The following APOL1 variants were observed in gnomAD, a reference collection of about 807,000 sequenced individuals.
APOL1 encodes the protein apolipoprotein L 1.
APOL1 carries 17 observed loss-of-function variants against 14.9 expected under a neutral mutation model. The ratio of observed to expected loss-of-function variants is 1.14; its 90% CI spans 0.78 to 1.71. APOL1 has a LOEUF of 1.71. Among genes scored for constraint, APOL1 ranks in the 40% most tolerant of loss-of-function variants. The pLI, the probability that APOL1 is intolerant of heterozygous loss-of-function variation, is 0.00. For synonymous variants in APOL1, 195 were observed against 184.8 expected, an observed-to-expected ratio of 1.05 and a Z score of -0.45; for missense variants, 523 against 485.9, an observed-to-expected ratio of 1.08 and a Z score of -0.72.
chr22:36,264,288 G>A (rs561573312), intron 5 of APOL1, among the ~76,000 whole-genome samples: 1 of 152,090 alleles, frequency 6.6e-6, no homozygotes, highest in Non-Finnish European at 1.5e-5. Flanking sequence ...ACACCAAATA[G>A]CCCCAAACCC....
intron 1 of APOL1, chr22:36,254,070 T>C (rs1015272925): frequency 1.3e-6 from 2 of 1,557,570 alleles, no homozygotes; most frequent in African/African-American, 1.4e-5. Flanking sequence ...TTTTGGATTA[T>C]TAAAATCAAA....
chr22:36,265,824 A>G lies in APOL1; in HGVS notation c.988A>G (p.Ser330Gly). 4 of 1,614,142 alleles carry G rather than the reference A, an allele frequency of 2.5e-6. No homozygotes were observed. Among genetic ancestry groups the G allele is most frequent in the South Asian group, 1.1e-5 (1 of 91,066 alleles). ...TAATGAACCCAGCATCCTGGAAATG[A>G]GCAGAGGAGTCAAGCTCACGGATGT... ...RVNEPSILEM[S>G]RGVKLTDVAP... The change falls in exon 6 of 6, where the codon AGC becomes GGC. Residue 330 changes from serine (S) to glycine (G), a missense_variant. Coordinates refer to ENST00000397278, the MANE Select transcript of APOL1 (RefSeq NM_003661.4).
Position 36,257,357 on chromosome 22 carries a change from A to G in APOL1, c.137A>G (p.Asp46Gly), listed in dbSNP as rs144963144. Reference sequence around the variant, plus strand: ...GTTCCAAGTGGGACAGATACTGGAGATCCTCAAAGTAAGCCCCTCGGTGAC... The same window carrying G: ...GTTCCAAGTGGGACAGATACTGGAGGTCCTCAAAGTAAGCCCCTCGGTGAC... ...QNVPSGTDTG[D>G]PQSKPLGDWA... The change falls in exon 4 of 6, where the codon GAT becomes GGT. Residue 46 changes from aspartate (D) to glycine (G), a missense_variant. Physicochemically the swap from Asp to Gly is moderately conservative, Grantham distance 94. Transcript: ENST00000397278. 2.2e-5 allele frequency: 35 copies of G among 1,614,082 alleles called. No homozygotes were observed. In the African/African-American group the frequency reaches 4.3e-4, roughly 20 times the overall value.
rs558173183 is a variant in APOL1 at position 36,263,077 on chromosome 22, C to T, written c.314+1355C>T. 1.3e-3 allele frequency among the ~76,000 whole-genome samples: 202 copies of T among 152,322 alleles called. 3 individuals carry two copies. In the South Asian group the frequency reaches 0.015, roughly 11 times the overall value. ...ATTGCAAATGGCCTTGGTGTGCACA[C>T]AGGTGAAGCTGTCACTACTAAGGCA... On this transcript the variant is annotated intron_variant, in intron 5 of 5. Coordinates refer to ENST00000397278, the MANE Select transcript of APOL1 (RefSeq NM_003661.4).
At position 36,266,428 on chromosome 22, in the gene APOL1, G is replaced by A. The variant is rs2016263987; in HGVS notation, c.*395G>A. On this transcript the variant is annotated 3_prime_UTR_variant, in exon 6 of 6. Coordinates refer to ENST00000397278, the MANE Select transcript of APOL1 (RefSeq NM_003661.4). ...TTATTAGGGGGATAAAGAGGGTGAG[G>A]TAAAGTTTATGGAACTGAGTGTTAG... 2.4e-6 allele frequency: 1 copy of A among 411,522 alleles called. No homozygotes were observed. Among genetic ancestry groups the A allele is most frequent in the East Asian group, 3.5e-5 (1 of 28,644 alleles). The allele number at this position is 411,522 out of a possible 1,614,324, so 25.5% of individuals were successfully genotyped here.
intron 4 of APOL1, among the ~76,000 whole-genome samples, chr22:36,257,770 C>T (rs533825400): frequency 3.8e-4 from 58 of 151,914 alleles, no homozygotes; most frequent in African/African-American, 1.4e-3. Flanking sequence ...TGACCAGCAG[C>T]CCCGACCTGT....
intron 4 of APOL1, among the ~76,000 whole-genome samples, chr22:36,258,149 T>TTC (rs1556624711): frequency 6.7e-6 from 1 of 149,836 alleles, no homozygotes; most frequent in Non-Finnish European, 1.5e-5. Flanking sequence ...AGCCACCCCG[T>TTC]CCCCCCCCAG....
intron 1 of APOL1, among the ~76,000 whole-genome samples, chr22:36,253,555 G>A (rs1408728086): frequency 6.6e-6 from 1 of 152,236 alleles, no homozygotes; most frequent in Non-Finnish European, 1.5e-5. Context: ...AGGAGAGGAG[G>A]TGACCCAGAT....
chr22:36,266,216 A>G lies in APOL1; in HGVS notation c.*183A>G, dbSNP rs2016257247. 1 of 630,300 alleles carries G rather than the reference A, an allele frequency of 1.6e-6. No homozygotes were observed. 39.0% of individuals were successfully genotyped at this position (630,300 alleles called of 1,614,324 possible). On this transcript the variant is annotated 3_prime_UTR_variant, in exon 6 of 6. Transcript: ENST00000397278. Reference sequence around the variant, plus strand: ...AGCGATTCTCCTGCCTTGGCCTCCCAAGTAGCTGGGACTACAGGCGCCTAC... The same window carrying G: ...AGCGATTCTCCTGCCTTGGCCTCCCGAGTAGCTGGGACTACAGGCGCCTAC...
intron 5 of APOL1, among the ~76,000 whole-genome samples, chr22:36,264,898 T>G (rs1005368603): frequency 6.7e-6 from 1 of 150,188 alleles, no homozygotes; most frequent in Non-Finnish European, 1.5e-5. Flanking sequence ...CTGCAAGCTC[T>G]GCCTCCCGGT....
intron 4 of APOL1, among the ~76,000 whole-genome samples, chr22:36,259,377 G>A (rs368279321): frequency 3.0e-4 from 46 of 152,156 alleles, no homozygotes; most frequent in African/African-American, 1.1e-3. Flanking sequence ...GAAAAAACAA[G>A]ACAATCGCTC....
At chr22:36,254,812 T>A (rs1224678112) in intron 1 of APOL1, 125 bp from the exon 2 acceptor site, 5 of 1,250,004 alleles carry the variant, frequency 4.0e-6, no homozygotes, top group Non-Finnish European at 5.7e-6. Context: ...GTAGCGAGCC[T>A]AGATCGCCCC....
chr22:36,263,527 A>T (rs1325949303), intron 5 of APOL1, among the ~76,000 whole-genome samples: 1 of 152,238 alleles, frequency 6.6e-6, no homozygotes. Flanking sequence ...GATCACACGG[A>T]AAGAACACAG....
chr22:36,265,930 C>T lies in APOL1; in HGVS notation c.1094C>T (p.Ser365Leu), dbSNP rs141368904. 57 of 1,613,998 alleles carry T rather than the reference C, an allele frequency of 3.5e-5. No homozygotes were observed. Among genetic ancestry groups the T allele is most frequent in the East Asian group, 4.5e-5 (2 of 44,890 alleles). Residue 365 changes from serine to leucine, a missense_variant, in exon 6 of 6, where the codon TCA (serine) becomes TTA (leucine). Coordinates refer to ENST00000397278, the MANE Select transcript of APOL1 (RefSeq NM_003661.4). ...AAGCACTTACATGAGGGGGCAAAGT[C>T]AGAGACAGCTGAGGAGCTGAAGAAG... is the stretch of plus-strand genomic sequence containing the variant. ...ESKHLHEGAK[S>L]ETAEELKKVA...
Position 36,261,654 on chromosome 22 carries a change from G to C in APOL1, c.246G>C (p.Gln82His). The change falls in exon 5 of 6, where the codon CAG becomes CAC. Residue 82 changes from glutamine to histidine, a missense_variant. Coordinates refer to ENST00000397278, the MANE Select transcript of APOL1 (RefSeq NM_003661.4). ...ATTTCAAGGAAAAAGTGAGCACACA[G>C]AATCTGCTACTCCTGCTGACTGATA... ...IKYFKEKVST[Q>H]NLLLLLTDNE... 2 of 1,614,114 alleles carry C rather than the reference G, an allele frequency of 1.2e-6. No individual in the cohort carries two copies. The highest frequency in any genetic ancestry group is 1.1e-5 in the South Asian group (1 of 91,076).
rs947196597 is a variant in APOL1, at chr22:36,260,430, G to A, written c.188-1166G>A. On this transcript the variant is annotated intron_variant, in intron 4 of 5. Transcript: ENST00000397278. ...AGAATGAGGTCTCTTGTGTGTGCAC[G>A]GCAAGAAACAATTTTACATCATGCC... Among the ~76,000 whole-genome samples, 17 of 152,062 alleles carry A rather than the reference G, an allele frequency of 1.1e-4. 1 individual carries two copies. Among genetic ancestry groups the A allele is most frequent in the Non-Finnish European group, 1.5e-5 (1 of 68,034 alleles).
intron 5 of APOL1, among the ~76,000 whole-genome samples, chr22:36,262,520 C>T (rs1194929224): frequency 6.6e-5 from 10 of 152,158 alleles, no homozygotes; most frequent in South Asian, 2.1e-4. Flanking sequence ...CCAGAGAGAC[C>T]GGGATCAGCG....
At chr22:36,260,812 C>A (rs1662849814) in intron 4 of APOL1, among the ~76,000 whole-genome samples, 1 of 152,172 alleles carries the variant, frequency 6.6e-6, no homozygotes, top group Non-Finnish European at 1.5e-5. Context: ...TTTGAAATAA[C>A]CCACAAAAAC....
chr22:36,265,136 C>A lies in APOL1; in HGVS notation c.315-15C>A, dbSNP rs543575592. On this transcript the variant is annotated splice_polypyrimidine_tract_variant and intron_variant, in intron 5 of 5. Coordinates refer to ENST00000397278, the MANE Select transcript of APOL1 (RefSeq NM_003661.4). ...AAAACTGCATTTCTTAATCCTTTAA[C>A]CTTTCCTTGTGCAGGAATGAGGCAG... The A allele has an allele frequency of 6.2e-7, 1 of 1,613,294 alleles. No individual in the cohort carries two copies. The highest frequency in any genetic ancestry group is 8.5e-7 in the Non-Finnish European group (1 of 1,179,618).
Sources: gnomAD v4.1 joint callset for allele counts (sites outside exome capture counted in the v4.1 genomes callset) on GRCh38, gnomAD v4.1.1 for gene constraint, MANE v1.5 for transcripts, NCBI Gene and HGNC (gene_info 2026-07-23, HGNC 2026-07-21) for gene names.